ZC3H12B: variants seen among roughly 807,000 people sequenced by gnomAD.
The protein encoded by ZC3H12B is zinc finger CCCH-type containing 12B, also known as probable ribonuclease ZC3H12B.
A neutral mutation model predicts 43.9 loss-of-function variants in ZC3H12B; 7 were observed. The observed-to-expected ratio is 0.16, with a 90% CI of 0.09 to 0.30. The LOEUF is 0.30. ZC3H12B is among the 10% of genes least tolerant of loss of function. The probability of loss-of-function intolerance (pLI) is 1.00; values close to 1 mark genes in which losing one functional copy is unlikely to be tolerated. For synonymous variants in ZC3H12B, 222 were observed against 241.7 expected (o/e 0.92, Z 0.76); for missense variants, 475 against 670.2 (o/e 0.71, Z 3.22).
intron 3 of ZC3H12B, among the ~76,000 whole-genome samples, chrX:65,451,403 A>C (rs1038106260): frequency 8.9e-6 from 1 of 111,831 alleles, no homozygotes; most frequent in Non-Finnish European, 1.9e-5. Flanking sequence ...GATAATGCAT[A>C]AGTCTTCATT....
the ZC3H12B span, among the ~76,000 whole-genome samples, chrX:65,238,015 T>G: frequency 9.0e-6 from 1 of 111,726 alleles, no homozygotes; most frequent in African/African-American, 3.2e-5. Flanking sequence ...AATGTTGGCC[T>G]GAAGTTTTCT....
chrX:65,397,762 T>A (rs2066717712), intron 2 of ZC3H12B, among the ~76,000 whole-genome samples: 1 of 112,021 alleles, frequency 8.9e-6, no homozygotes, highest in Non-Finnish European at 1.9e-5. Context: ...TTCAGCATAG[T>A]ACTAGAAGTC....
intron 3 of ZC3H12B, among the ~76,000 whole-genome samples, chrX:65,399,242 C>T (rs1343434563): frequency 2.7e-5 from 3 of 112,199 alleles, no homozygotes; most frequent in African/African-American, 9.7e-5. Context: ...GCACAGACAA[C>T]CTACAGAATT....
Position 65,435,644 on chromosome X carries a change from G to GGATAGATAGATA in ZC3H12B, n.407+36987_407+36998dup, listed in dbSNP as rs34975614. Among the ~76,000 whole-genome samples, 738 of 94,385 alleles carry GGATAGATAGATA rather than the reference G, an allele frequency of 7.8e-3. 2 individuals are homozygous for GGATAGATAGATA. The highest frequency in any genetic ancestry group is 0.01 in the Admixed American group (87 of 8,316). The allele number at this position is 94,385 out of a possible 115,157, so 82.0% of individuals were successfully genotyped here. On this transcript the variant is annotated intron_variant and non_coding_transcript_variant, in intron 3 of 5. Transcript: ENST00000617377. ...GTTCTCCAGAGAAACAGAACCAATA[G>GGATAGATAGATA]GATAGATAGATAGATAGATAGATAG...
chrX:65,291,522 T>C, the ZC3H12B span, among the ~76,000 whole-genome samples: 1 of 112,050 alleles, frequency 8.9e-6, no homozygotes, highest in African/African-American at 3.2e-5. Context: ...AGGAAATTAT[T>C]CCAAGTGAAA....
the ZC3H12B span, among the ~76,000 whole-genome samples, chrX:65,157,473 C>T: frequency 4.5e-5 from 5 of 111,549 alleles, no homozygotes; most frequent in African/African-American, 1.3e-4. Flanking sequence ...TCTAGTAATG[C>T]TTTTTGCCTT....
chrX:65,228,349 A>G, the ZC3H12B span, among the ~76,000 whole-genome samples: 3 of 111,565 alleles, frequency 2.7e-5, no homozygotes, highest in African/African-American at 9.8e-5. Context: ...CATACTAAAA[A>G]CTCTCAATAA....
At chrX:65,218,450 A>G in the ZC3H12B span, among the ~76,000 whole-genome samples, 1 of 111,911 alleles carries the variant, frequency 8.9e-6, no homozygotes, top group Non-Finnish European at 1.9e-5. Flanking sequence ...GCTGCTGGGA[A>G]ATAAACTTGG....
chrX:65,119,234 C>T, the ZC3H12B span, among the ~76,000 whole-genome samples: 1 of 111,519 alleles, frequency 9.0e-6, no homozygotes, highest in Non-Finnish European at 1.9e-5. Context: ...CACTGACTTC[C>T]ACAAGAGTTG....
At chrX:65,042,237 G>A in the ZC3H12B span, among the ~76,000 whole-genome samples, 3 of 111,799 alleles carry the variant, frequency 2.7e-5, no homozygotes, top group East Asian at 2.8e-4. Context: ...AATTTTCTCC[G>A]TCTCCCACTC....
At chrX:65,222,995 G>C in the ZC3H12B span, among the ~76,000 whole-genome samples, 5 of 111,761 alleles carry the variant, frequency 4.5e-5, no homozygotes, top group African/African-American at 9.7e-5. Context: ...ATAGTATAAG[G>C]TTATAGTCAC....
the ZC3H12B span, among the ~76,000 whole-genome samples, chrX:65,141,555 A>AAACC: frequency 4.6e-5 from 5 of 109,142 alleles, no homozygotes; most frequent in African/African-American, 1.7e-4. Flanking sequence ...ATTGGGGAAC[A>AAACC]AGTGGTGTTT....
chrX:65,244,883 C>A, the ZC3H12B span, among the ~76,000 whole-genome samples: 1 of 110,731 alleles, frequency 9.0e-6, no homozygotes, highest in African/African-American at 3.3e-5. Flanking sequence ...GCAAACTTTT[C>A]AGTGTTTTAC....
chrX:65,205,554 A>G, the ZC3H12B span, among the ~76,000 whole-genome samples: 2 of 111,713 alleles, frequency 1.8e-5, no homozygotes, highest in Non-Finnish European at 3.8e-5. Flanking sequence ...ATATATGACA[A>G]ATCCACAGCC....
intron 2 of ZC3H12B, among the ~76,000 whole-genome samples, chrX:65,379,655 A>T (rs890000520): frequency 8.9e-6 from 1 of 112,243 alleles, no homozygotes; most frequent in Non-Finnish European, 1.9e-5. Context: ...GATCAAATTA[A>T]TCCAAGCTAC....
chrX:65,153,540 A>G, the ZC3H12B span, among the ~76,000 whole-genome samples: 1 of 112,437 alleles, frequency 8.9e-6, no homozygotes, highest in Non-Finnish European at 1.9e-5. Flanking sequence ...ATACCATCTC[A>G]CACCATTTAG....
the ZC3H12B span, among the ~76,000 whole-genome samples, chrX:65,207,533 T>A: frequency 7.2e-5 from 8 of 110,513 alleles, no homozygotes; most frequent in Admixed American, 4.9e-4. Context: ...TTGGGTACAG[T>A]GTACACTGCT....
At chrX:65,478,985 A>C (rs1420262114) in intron 3 of ZC3H12B, among the ~76,000 whole-genome samples, 2 of 112,216 alleles carry the variant, frequency 1.8e-5, no homozygotes, top group Non-Finnish European at 3.8e-5. Context: ...ATTTTTTTAA[A>C]GTGTCTCTAA....
At chrX:65,234,708 T>A in the ZC3H12B span, among the ~76,000 whole-genome samples, 3 of 112,426 alleles carry the variant, frequency 2.7e-5, no homozygotes. Context: ...ATTTATTAAG[T>A]TCCAGGATAC....
Sources: allele counts gnomAD v4.1 joint callset (sites outside exome capture counted in the v4.1 genomes callset), GRCh38; gene constraint gnomAD v4.1.1; transcripts MANE v1.5; gene names NCBI Gene and HGNC (gene_info 2026-07-23, HGNC 2026-07-21).